The following DOCK1 variants were observed in gnomAD, a reference collection of about 807,000 sequenced individuals.
DOCK1 encodes dedicator of cytokinesis 1, also known as dedicator of cytokinesis protein 1.
A neutral mutation model predicts 262.7 loss-of-function variants in DOCK1; 138 were observed. The ratio of observed to expected loss-of-function variants is 0.53; its 90% confidence interval spans 0.46 to 0.61. The LOEUF (loss-of-function observed/expected upper bound fraction) is 0.61, where lower values mean the gene tolerates loss of function less well. Among genes scored for constraint, DOCK1 ranks in the 20% least tolerant of loss-of-function variants. The pLI is 0.00. For synonymous variants in DOCK1, 866 were observed against 867.4 expected (o/e 1.00, Z 0.03); for missense variants, 1,908 against 2,370.7 (o/e 0.80, Z 4.05).
At chr10:126,966,099 A>G (rs909299361) in intron 1 of DOCK1, among the ~76,000 whole-genome samples, 118 of 152,196 alleles carry the variant, frequency 7.8e-4, no homozygotes, top group African/African-American at 2.7e-3. Flanking sequence ...GCTTCCACCT[A>G]TGAGTGAGAA....
chr10:127,027,056 G>C (rs2042914845), intron 16 of DOCK1, among the ~76,000 whole-genome samples: 1 of 152,192 alleles, frequency 6.6e-6, no homozygotes, highest in South Asian at 2.1e-4. Context: ...CGTCTTTCAG[G>C]GTGTGTGTCT....
rs372725490 is a variant in DOCK1 at position 127,373,748 on chromosome 10, C to G, written c.3433-33C>G. The G allele has an allele frequency of 1.2e-5, 18 of 1,550,222 alleles. No homozygotes were observed. The African/African-American group carries it at 2.3e-4, about 20-fold the overall frequency. ...GTCATAAAATGAAATACTCGCCATG[C>G]TGATTATTTACGCTTCCTCTGTTTA... On this transcript the variant is annotated intron_variant, in intron 33 of 51. Transcript: ENST00000623213.
chr10:126,962,882 A>T (rs931444719), intron 1 of DOCK1, among the ~76,000 whole-genome samples: 1 of 152,030 alleles, frequency 6.6e-6, no homozygotes, highest in Non-Finnish European at 1.5e-5. Flanking sequence ...TAGGTCTTTC[A>T]TCCATTTTGA....
intron 27 of DOCK1, among the ~76,000 whole-genome samples, chr10:127,174,540 C>T (rs945508071): frequency 1.3e-5 from 2 of 152,114 alleles, no homozygotes; most frequent in South Asian, 4.2e-4. Context: ...AAGTATTGGC[C>T]GTGAAGTTAG....
intron 23 of DOCK1, among the ~76,000 whole-genome samples, chr10:127,080,170 C>T (rs554600486): frequency 2.1e-4 from 32 of 152,200 alleles, no homozygotes; most frequent in Non-Finnish European, 3.7e-4. Context: ...AGAATTAAGT[C>T]TTTTCAGGTA....
rs868833904 is a variant in DOCK1 at position 127,261,262 on chromosome 10, G to T, written c.3044+3833G>T. Among the ~76,000 whole-genome samples the T allele has an allele frequency of 2.3e-3, 199 of 85,194 alleles. 5 individuals are homozygous for T. In the Middle Eastern group the frequency reaches 0.042, roughly 18 times the overall value. The allele number at this position is 85,194 out of a possible 152,430, so 55.9% of individuals were successfully genotyped here. The stretch of plus-strand genomic sequence containing the variant: ...GTGTACCTGCATGTGTGTGCATGTG[G>T]GTGTGTGTGTGTGCCTGCATGTGTG... On this transcript the variant is annotated intron_variant, in intron 29 of 51. Coordinates refer to ENST00000623213, the MANE Select transcript of DOCK1 (RefSeq NM_001290223.2).
intron 29 of DOCK1, among the ~76,000 whole-genome samples, chr10:127,275,199 G>A (rs1484101256): frequency 1.3e-5 from 2 of 152,064 alleles, no homozygotes; most frequent in African/African-American, 4.8e-5. Context: ...TAGGGGTTTA[G>A]CAGTGGAAGA....
intron 27 of DOCK1, among the ~76,000 whole-genome samples, chr10:127,200,117 T>C (rs1392186618): frequency 3.3e-5 from 5 of 152,202 alleles, no homozygotes; most frequent in African/African-American, 1.2e-4. Flanking sequence ...CCCATGTCTT[T>C]GTTACACAAA....
At chr10:127,368,450 C>T (rs905855577) in intron 33 of DOCK1, among the ~76,000 whole-genome samples, 1 of 152,102 alleles carries the variant, frequency 6.6e-6, no homozygotes, top group African/African-American at 2.4e-5. Flanking sequence ...GCCAACTCCT[C>T]GAGACACCAC....
chr10:127,412,838 A>T (rs1027267251), intron 43 of DOCK1, among the ~76,000 whole-genome samples: 1 of 152,180 alleles, frequency 6.6e-6, no homozygotes, highest in Non-Finnish European at 1.5e-5. Flanking sequence ...AGCACAAAGG[A>T]GCTTGGAGTT....
At chr10:127,245,298 G>A (rs7924046) in intron 27 of DOCK1, among the ~76,000 whole-genome samples, 38,203 of 152,140 alleles carry the variant, frequency 0.25, 5,853 homozygotes, top group South Asian at 0.57. Flanking sequence ...ACTTACTTTC[G>A]CTAAGAAAGG....
intron 44 of DOCK1, among the ~76,000 whole-genome samples, chr10:127,418,000 C>T (rs58379103): frequency 0.25 from 37,286 of 150,810 alleles, 5,268 homozygotes; most frequent in East Asian, 0.41. Context: ...AATTCCCGAA[C>T]ATCTTCTCCC....
At chr10:127,041,157 T>C (rs2135620667) in intron 19 of DOCK1, among the ~76,000 whole-genome samples, 1 of 152,264 alleles carries the variant, frequency 6.6e-6, no homozygotes, top group South Asian at 2.1e-4. Flanking sequence ...AGGCGCAATC[T>C]CAGGATCTTG....
intron 23 of DOCK1, among the ~76,000 whole-genome samples, chr10:127,065,271 A>G (rs890160894): frequency 6.6e-6 from 1 of 152,008 alleles, no homozygotes; most frequent in African/African-American, 2.4e-5. Flanking sequence ...TCGGCCTCCC[A>G]AAGTGCTGGG....
chr10:127,354,614 G>T, intron 31 of DOCK1, 55 bp from the exon 32 acceptor site: 2 of 1,606,092 alleles, frequency 1.2e-6, no homozygotes, highest in Non-Finnish European at 1.7e-6. Context: ...ATTCCAGTCC[G>T]ATTTTCAAAT....
chr10:127,006,655 A>T (rs948671897), intron 10 of DOCK1, among the ~76,000 whole-genome samples: 1 of 152,142 alleles, frequency 6.6e-6, no homozygotes, highest in Non-Finnish European at 1.5e-5. Flanking sequence ...GAGGCTCAGG[A>T]TGGGTGCGGG....
intron 31 of DOCK1, among the ~76,000 whole-genome samples, chr10:127,347,331 C>G (rs537528176): frequency 6.6e-6 from 1 of 152,300 alleles, no homozygotes; most frequent in South Asian, 2.1e-4. Flanking sequence ...AATGGAGAAG[C>G]AAAAATCATG....
At chr10:127,343,884 A>T (rs892903129) in intron 31 of DOCK1, 138 bp downstream of exon 31, 9 of 715,352 alleles carry the variant, frequency 1.3e-5, no homozygotes, top group African/African-American at 1.1e-4. Flanking sequence ...TTAAATCACC[A>T]ATCAGGTATT....
At chr10:127,286,445 CTT>C (rs1275281760) in intron 29 of DOCK1, among the ~76,000 whole-genome samples, 1 of 152,000 alleles carries the variant, frequency 6.6e-6, no homozygotes, top group African/African-American at 2.4e-5. Flanking sequence ...TGTTTTTAAA[CTT>C]TTTATTATCA....
Sources: allele counts gnomAD v4.1 joint callset (sites outside exome capture counted in the v4.1 genomes callset), GRCh38; gene constraint gnomAD v4.1.1; transcripts MANE v1.5; gene names NCBI Gene and HGNC (gene_info 2026-07-23, HGNC 2026-07-21).